Variants in DPP10 observed in about 807,000 individuals in gnomAD.
DPP10 encodes dipeptidyl peptidase like 10, also known as inactive dipeptidyl peptidase 10.
DPP10 carries 33 observed loss-of-function variants against 120.9 expected under a neutral mutation model. The observed-to-expected ratio is 0.27, with a 90% CI of 0.21 to 0.37. The LOEUF (loss-of-function observed/expected upper bound fraction) is 0.37, where lower values mean the gene tolerates loss of function less well. Among genes scored for constraint, DPP10 ranks in the 10% least tolerant of loss-of-function variants. The probability of loss-of-function intolerance (pLI) is 1.00; values close to 1 mark genes in which losing one functional copy is unlikely to be tolerated. For missense variants in DPP10, 816 were observed against 942.8 expected, an observed-to-expected ratio of 0.87 and a Z score of 1.76; for synonymous variants, 337 against 326.1, an observed-to-expected ratio of 1.03 and a Z score of -0.36.
intron 1 of DPP10, among the ~76,000 whole-genome samples, chr2:114,444,599 T>C (rs1002319052): frequency 1.3e-5 from 2 of 152,134 alleles, no homozygotes; most frequent in Non-Finnish European, 1.5e-5. Context: ...GTTTCTAGTG[T>C]AGAGGTTTTA....
In DPP10 at chr2:115,388,064, T is replaced by C. The variant is rs1574671080; in HGVS notation, c.271+44152T>C. 2.0e-5 allele frequency among the ~76,000 whole-genome samples: 3 copies of C among 152,302 alleles called. No individual in the cohort carries two copies. The Middle Eastern group carries it at 0.01, about 518-fold the overall frequency. ...ACCTTCAAAGGTTAAAAAATATATA[T>C]GACGTAAAGTTTCTATGAAAGCCAA... On this transcript the variant is annotated intron_variant, in intron 3 of 25. Coordinates refer to ENST00000410059, the MANE Select transcript of DPP10 (RefSeq NM_020868.6).
At chr2:115,393,124 C>T (rs2067434403) in intron 3 of DPP10, among the ~76,000 whole-genome samples, 2 of 151,878 alleles carry the variant, frequency 1.3e-5, no homozygotes, top group African/African-American at 2.4e-5. Flanking sequence ...ACCAGCCTGG[C>T]CAACATGGTG....
intron 1 of DPP10, among the ~76,000 whole-genome samples, chr2:114,661,761 G>A (rs539223541): frequency 6.6e-6 from 1 of 152,338 alleles, no homozygotes; most frequent in Admixed American, 6.5e-5. Context: ...TGGACACTCA[G>A]TAATGTGTTC....
intron 7 of DPP10, among the ~76,000 whole-genome samples, chr2:115,727,401 AAAAGT>A (rs1218921339): frequency 6.6e-6 from 1 of 152,114 alleles, no homozygotes; most frequent in African/African-American, 2.4e-5. Flanking sequence ...GCATTTTTGT[AAAAGT>A]AAAGACCCCA....
chr2:115,701,709 G>A (rs2091895921), intron 7 of DPP10, among the ~76,000 whole-genome samples: 1 of 152,004 alleles, frequency 6.6e-6, no homozygotes, highest in Non-Finnish European at 1.5e-5. Flanking sequence ...CTAAGAAGAG[G>A]TTAATATAGA....
chr2:114,706,546 C>T (rs1700697531), intron 1 of DPP10, among the ~76,000 whole-genome samples: 1 of 152,124 alleles, frequency 6.6e-6, no homozygotes, highest in South Asian at 2.1e-4. Context: ...CTTCACATGG[C>T]CTTTCCCTCT....
chr2:115,592,446 TA>T (rs1440491406), intron 5 of DPP10, among the ~76,000 whole-genome samples: 3 of 152,020 alleles, frequency 2.0e-5, no homozygotes, highest in African/African-American at 7.2e-5. Context: ...AAGGCCTTAG[TA>T]AGCTGAGCGT....
intron 1 of DPP10, among the ~76,000 whole-genome samples, chr2:115,177,762 T>TTTCGTTTG (rs141147612): frequency 6.6e-6 from 1 of 150,726 alleles, no homozygotes; most frequent in Non-Finnish European, 1.5e-5. Context: ...TTGTTTTTGT[T>TTTCGTTTG]TTTGTTTGTT....
chr2:115,530,765 T>C (rs2078413995), intron 5 of DPP10, among the ~76,000 whole-genome samples: 1 of 152,128 alleles, frequency 6.6e-6, no homozygotes, highest in African/African-American at 2.4e-5. Context: ...ATTAGAATCA[T>C]CTGGAGAGTT....
intron 1 of DPP10, among the ~76,000 whole-genome samples, chr2:115,252,210 T>C (rs1574170976): frequency 6.6e-6 from 1 of 152,208 alleles, no homozygotes; most frequent in East Asian, 1.9e-4. Flanking sequence ...GTGAATTTCA[T>C]GACTAATTCT....
At chr2:115,060,561 C>A (rs1166847488) in intron 1 of DPP10, among the ~76,000 whole-genome samples, 3 of 152,116 alleles carry the variant, frequency 2.0e-5, no homozygotes, top group Non-Finnish European at 2.9e-5. Flanking sequence ...CACTGCATTC[C>A]AACCTGGGCA....
intron 1 of DPP10, among the ~76,000 whole-genome samples, chr2:114,668,177 G>C (rs1180902652): frequency 2.6e-5 from 4 of 152,106 alleles, no homozygotes; most frequent in Non-Finnish European, 5.9e-5. Flanking sequence ...CCATCTACAA[G>C]CTGAAGAAAC....
intron 1 of DPP10, among the ~76,000 whole-genome samples, chr2:115,305,285 A>G (rs911158465): frequency 6.6e-6 from 1 of 152,050 alleles, no homozygotes; most frequent in Non-Finnish European, 1.5e-5. Context: ...TTGGTCTGGC[A>G]TGTGCAATTG....
At chr2:115,334,277 T>G (rs1189840480) in intron 2 of DPP10, among the ~76,000 whole-genome samples, 1 of 134,180 alleles carries the variant, frequency 7.5e-6, no homozygotes. Context: ...CAACAAGAGA[T>G]TAGAAAGAGT....
At chr2:115,330,247 T>C (rs1309695575) in intron 2 of DPP10, among the ~76,000 whole-genome samples, 3 of 152,210 alleles carry the variant, frequency 2.0e-5, no homozygotes, top group Admixed American at 6.5e-5. Context: ...TTTTGAGAAG[T>C]GTCTGTTCAT....
intron 1 of DPP10, among the ~76,000 whole-genome samples, chr2:115,139,724 T>TAAAAAAAAAAAAA (rs55826687): frequency 2.3e-4 from 13 of 56,634 alleles, no homozygotes; most frequent in East Asian, 7.0e-4. Context: ...GTAAAAATAC[T>TAAAAAAAAAAAAA]AAAAAAAAAA....
intron 1 of DPP10, chr2:114,835,320 C>T (rs954957599): frequency 6.6e-6 from 1 of 151,280 alleles, no homozygotes; most frequent in African/African-American, 2.4e-5. Context: ...TATCTACACA[C>T]CTATGTATAT....
intron 3 of DPP10, among the ~76,000 whole-genome samples, chr2:115,401,272 T>G (rs532975186): frequency 6.6e-6 from 1 of 152,264 alleles, no homozygotes. Flanking sequence ...TCCAAATAAC[T>G]GGGTGATCAC....
intron 2 of DPP10, among the ~76,000 whole-genome samples, chr2:115,330,870 G>T (rs1238947879): frequency 6.6e-6 from 1 of 152,092 alleles, no homozygotes; most frequent in Non-Finnish European, 1.5e-5. Context: ...GATGCCTCCA[G>T]CTTTGTTCTT....
Sources: gnomAD v4.1 joint callset for allele counts (sites outside exome capture counted in the v4.1 genomes callset) on GRCh38, gnomAD v4.1.1 for gene constraint, MANE v1.5 for transcripts, NCBI Gene and HGNC (gene_info 2026-07-23, HGNC 2026-07-21) for gene names.